Variants in RTF1 observed in about 807,000 individuals in gnomAD.
The protein encoded by RTF1 is RTF1 homolog, Paf1/RNA polymerase II complex component.
In RTF1, 10 loss-of-function variants were observed where a neutral mutation model predicts 95.7. The observed-to-expected ratio is 0.10, with a 90% CI of 0.06 to 0.18. The LOEUF is 0.18. Among genes scored for constraint, RTF1 ranks in the 10% least tolerant of loss-of-function variants. The probability of loss-of-function intolerance (pLI) is 1.00; values close to 1 mark genes in which losing one functional copy is unlikely to be tolerated. For synonymous variants in RTF1, 305 were observed against 311.8 expected (o/e 0.98, Z 0.23); for missense variants, 458 against 875.6 (o/e 0.52, Z 6.02).
intron 16 of RTF1, among the ~76,000 whole-genome samples, chr15:41,479,534 A>C (rs2050959643): frequency 6.6e-6 from 1 of 152,186 alleles, no homozygotes; most frequent in South Asian, 2.1e-4. Flanking sequence ...AGACATTGTA[A>C]AAGTGAAAGC....
At chr15:41,470,714 A>AGTG (rs2140651395) in intron 7 of RTF1, among the ~76,000 whole-genome samples, 1 of 128,000 alleles carries the variant, frequency 7.8e-6, no homozygotes, top group East Asian at 2.3e-4. Flanking sequence ...GCTGGAGTGC[A>AGTG]GTGGCAGGAT....
Position 41,457,667 on chromosome 15 carries a change from T to C in RTF1, c.458-5T>C, listed in dbSNP as rs1195877553. 1 of 1,614,072 alleles carries C rather than the reference T, an allele frequency of 6.2e-7. No homozygotes were observed. ...TGTAATCTTGTGTTTGGGCCTTTGT[T>C]GCAGGTGAAGTGTCAGACTCTGACA... On this transcript the variant is annotated splice_region_variant and splice_polypyrimidine_tract_variant and intron_variant, in intron 3 of 17. Transcript: ENST00000389629.
chr15:41,451,964 C>T lies in RTF1; in HGVS notation c.310-937C>T, dbSNP rs190582727. Among the ~76,000 whole-genome samples the T allele has an allele frequency of 4.1e-3, 620 of 151,554 alleles. 2 individuals carry two copies. The highest frequency in any genetic ancestry group is 6.6e-3 in the Non-Finnish European group (446 of 67,920). Reference sequence around the variant, plus strand: ...TGTAGTTCCAGCTACTTAGGAGGCTCAGGTGAGAGGATCACTTGAGCCCAG... The same window carrying T: ...TGTAGTTCCAGCTACTTAGGAGGCTTAGGTGAGAGGATCACTTGAGCCCAG... On this transcript the variant is annotated intron_variant, in intron 2 of 17. Coordinates refer to ENST00000389629, the MANE Select transcript of RTF1 (RefSeq NM_015138.5).
At chr15:41,441,718 C>T (rs942039678) in intron 2 of RTF1, among the ~76,000 whole-genome samples, 2 of 152,190 alleles carry the variant, frequency 1.3e-5, no homozygotes, top group Non-Finnish European at 2.9e-5. Flanking sequence ...CAGCAAGCTC[C>T]ACCCTGCCCA....
intron 2 of RTF1, among the ~76,000 whole-genome samples, chr15:41,441,625 C>T (rs2140953234): frequency 6.6e-6 from 1 of 152,294 alleles, no homozygotes; most frequent in South Asian, 2.1e-4. Flanking sequence ...CCCTTTGTTA[C>T]TTGCAGCTGC....
chr15:41,432,886 C>T (rs909545134), intron 1 of RTF1, among the ~76,000 whole-genome samples: 8 of 151,332 alleles, frequency 5.3e-5, no homozygotes, highest in Non-Finnish European at 1.0e-4. Flanking sequence ...TGTAGTGAGC[C>T]GGGATCGCAC....
At chr15:41,430,259 C>A (rs1369007052) in intron 1 of RTF1, among the ~76,000 whole-genome samples, 1 of 150,404 alleles carries the variant, frequency 6.6e-6, no homozygotes, top group Non-Finnish European at 1.5e-5. Flanking sequence ...TCACTGCAAC[C>A]TCTGGTTCAC....
intron 11 of RTF1, 115 bp downstream of exon 11, chr15:41,475,934 G>A: frequency 4.9e-6 from 3 of 609,452 alleles, no homozygotes; most frequent in Non-Finnish European, 8.6e-6. Flanking sequence ...TGAAAATGAG[G>A]GAATACTAAT....
chr15:41,465,640 T>TA (rs556532607), intron 5 of RTF1, among the ~76,000 whole-genome samples: 137 of 146,332 alleles, frequency 9.4e-4, no homozygotes, highest in South Asian at 7.8e-3. Context: ...GGCTCTGTTT[T>TA]AAAAAAAAAA....
intron 3 of RTF1, among the ~76,000 whole-genome samples, chr15:41,455,595 A>G (rs1271513351): frequency 6.6e-6 from 1 of 151,652 alleles, no homozygotes; most frequent in African/African-American, 2.4e-5. Flanking sequence ...ACTTGAGGTC[A>G]GGAGTTTGAG....
intron 7 of RTF1, 104 bp downstream of exon 7, chr15:41,470,496 C>A: frequency 1.6e-6 from 2 of 1,217,788 alleles, no homozygotes; most frequent in Non-Finnish European, 2.4e-6. Context: ...CTAACTCTGA[C>A]ATGGTTACCT....
chr15:41,431,744 C>T (rs2050675673), intron 1 of RTF1, among the ~76,000 whole-genome samples: 1 of 152,104 alleles, frequency 6.6e-6, no homozygotes, highest in African/African-American at 2.4e-5. Flanking sequence ...AACGATCAGC[C>T]CTCGTCGGCT....
rs1187303820 is a variant in RTF1 at position 41,457,820 on chromosome 15, A to G, written c.606A>G (p.Lys202=). 2.5e-6 allele frequency: 4 copies of G among 1,614,130 alleles called. No homozygotes were observed. The South Asian group carries it at 3.3e-5, about 13-fold the overall frequency. The change falls in exon 4 of 18, where the codon AAA becomes AAG. Residue 202 remains lysine, a synonymous_variant. Transcript: ENST00000389629. ...CCCGTCTGGAACAGATGACAGAGAA[A>G]GAGAGAGAGCAAGAACTGTTCAATC... is the stretch of plus-strand genomic sequence containing the variant. ...DRARLEQMTE[K]EREQELFNRI...
At chr15:41,424,563 TCAG>T (rs2050619125) in intron 1 of RTF1, among the ~76,000 whole-genome samples, 1 of 152,184 alleles carries the variant, frequency 6.6e-6, no homozygotes, top group East Asian at 1.9e-4. Flanking sequence ...CGGACTACAC[TCAG>T]CAGTAAAAAT....
intron 1 of RTF1, among the ~76,000 whole-genome samples, chr15:41,426,817 G>C (rs1408574881): frequency 7.2e-6 from 1 of 139,310 alleles, no homozygotes; most frequent in East Asian, 2.2e-4. Context: ...GTGTGTGTGT[G>C]TGTGTGTGTA....
At chr15:41,438,048 G>A (rs8040021) in intron 1 of RTF1, among the ~76,000 whole-genome samples, 8,186 of 152,230 alleles carry the variant, frequency 0.054, 488 homozygotes, top group African/African-American at 0.15. Flanking sequence ...ATCAGGAACA[G>A]TTTGGGGATA....
chr15:41,428,345 G>A (rs79349507), intron 1 of RTF1, among the ~76,000 whole-genome samples: 1 of 132,140 alleles, frequency 7.6e-6, no homozygotes, highest in Non-Finnish European at 1.5e-5. Context: ...TCAGCTCACT[G>A]CAAGCTCTGC....
At chr15:41,423,943 G>A (rs983568498) in intron 1 of RTF1, among the ~76,000 whole-genome samples, 3 of 152,040 alleles carry the variant, frequency 2.0e-5, no homozygotes, top group Non-Finnish European at 4.4e-5. Flanking sequence ...AGTAGAGATG[G>A]GGTTTCACCA....
intron 3 of RTF1, among the ~76,000 whole-genome samples, chr15:41,455,756 A>G (rs2050810824): frequency 6.6e-6 from 1 of 151,856 alleles, no homozygotes; most frequent in East Asian, 1.9e-4. Context: ...GAGATCAGGC[A>G]ATAGAGTGAG....
Sources: gnomAD v4.1 joint callset for allele counts (sites outside exome capture counted in the v4.1 genomes callset) on GRCh38, gnomAD v4.1.1 for gene constraint, MANE v1.5 for transcripts, NCBI Gene and HGNC (gene_info 2026-07-23, HGNC 2026-07-21) for gene names.